The following NKAIN3 variants were observed in gnomAD, a reference collection of about 807,000 sequenced individuals.
The protein encoded by NKAIN3 is sodium/potassium-transporting ATPase subunit beta-1-interacting protein 3.
NKAIN3 carries 25 observed loss-of-function variants against 30.2 expected under a neutral mutation model. The ratio of observed to expected loss-of-function variants is 0.83; its 90% CI spans 0.60 to 1.16. The LOEUF is 1.16. NKAIN3 is among the 50% of genes most tolerant of loss of function. The pLI is 0.00. For synonymous variants in NKAIN3, 91 were observed against 89.6 expected (o/e 1.02, Z -0.09); for missense variants, 225 against 254.1 (o/e 0.89, Z 0.78).
At chr8:62,854,678 G>C (rs747306574) in intron 4 of NKAIN3, among the ~76,000 whole-genome samples, 1 of 152,084 alleles carries the variant, frequency 6.6e-6, no homozygotes, top group African/African-American at 2.4e-5. Flanking sequence ...TTTAATTGGG[G>C]CATGTAGCTC....
In NKAIN3 at chr8:62,990,843, T is replaced by C. The variant is rs540364516; in HGVS notation, c.533-8388T>C. On this transcript the variant is annotated intron_variant, in intron 5 of 5. Coordinates refer to the NKAIN3 transcript ENST00000519049. Reference sequence around the variant, plus strand: ...AAAAGTAAATTCATTAAAATAAATTTACATTATAGTGCCACAAAAAAATGA... The same window carrying C: ...AAAAGTAAATTCATTAAAATAAATTCACATTATAGTGCCACAAAAAAATGA... 3.2e-4 allele frequency: 49 copies of C among 152,300 alleles called. 1 individual carries two copies. The highest frequency in any genetic ancestry group is 1.2e-3 in the African/African-American group (48 of 41,566). The allele number at this position is 152,300 out of a possible 1,614,324, so 9.4% of individuals were successfully genotyped here. A position where few individuals can be genotyped will look rare whatever the true frequency, so the allele number is the denominator to read the frequency against.
intron 1 of NKAIN3, among the ~76,000 whole-genome samples, chr8:62,456,317 C>T (rs762654900): frequency 6.6e-6 from 1 of 151,924 alleles, no homozygotes; most frequent in Non-Finnish European, 1.5e-5. Flanking sequence ...GTCAGGAGAT[C>T]GAGACCATCT....
intron 1 of NKAIN3, among the ~76,000 whole-genome samples, chr8:62,326,343 G>A (rs532248823): frequency 7.1e-4 from 108 of 151,778 alleles, no homozygotes; most frequent in African/African-American, 2.5e-3. Context: ...TTATAATTTT[G>A]TTACATTCGT....
chr8:62,847,795 G>A (rs201980942), intron 4 of NKAIN3, among the ~76,000 whole-genome samples: 3 of 7,512 alleles, frequency 4.0e-4, no homozygotes, highest in Non-Finnish European at 1.3e-3. Flanking sequence ...TTTTCTTCTA[G>A]GTTTTTATAG....
intron 1 of NKAIN3, among the ~76,000 whole-genome samples, chr8:62,508,675 C>T (rs1807721754): frequency 6.6e-6 from 1 of 152,080 alleles, no homozygotes; most frequent in South Asian, 2.1e-4. Context: ...ATGATTAGTC[C>T]CTCACTGTCT....
At chr8:62,701,326 A>G (rs1814325297) in intron 3 of NKAIN3, among the ~76,000 whole-genome samples, 1 of 152,214 alleles carries the variant, frequency 6.6e-6, no homozygotes, top group South Asian at 2.1e-4. Context: ...TCAAAAATGC[A>G]GAGCCTGTGT....
At chr8:62,952,637 T>C (rs1380565559) in intron 5 of NKAIN3, among the ~76,000 whole-genome samples, 1 of 152,150 alleles carries the variant, frequency 6.6e-6, no homozygotes, top group Non-Finnish European at 1.5e-5. Context: ...TTGCGTTACA[T>C]TCAAGATCAA....
intron 4 of NKAIN3, among the ~76,000 whole-genome samples, chr8:62,801,750 T>C (rs905616926): frequency 2.6e-5 from 4 of 152,066 alleles, no homozygotes; most frequent in Non-Finnish European, 5.9e-5. Context: ...TCACCAGCAA[T>C]GGAACAAAGC....
chr8:62,529,284 G>A (rs572957062), intron 1 of NKAIN3, among the ~76,000 whole-genome samples: 1 of 152,306 alleles, frequency 6.6e-6, no homozygotes, highest in South Asian at 2.1e-4. Flanking sequence ...CACTGAGGCT[G>A]TCTGTAGTTT....
chr8:62,902,981 T>C (rs1232083470), intron 4 of NKAIN3, among the ~76,000 whole-genome samples: 1 of 152,340 alleles, frequency 6.6e-6, no homozygotes, highest in South Asian at 2.1e-4. Context: ...GCTGAGCTGG[T>C]GTGTGCAGAG....
At chr8:62,386,243 A>T (rs1170368979) in intron 1 of NKAIN3, among the ~76,000 whole-genome samples, 3 of 152,160 alleles carry the variant, frequency 2.0e-5, no homozygotes, top group Admixed American at 2.0e-4. Context: ...ATGGCTTATT[A>T]CTCTCTTCAA....
intron 1 of NKAIN3, among the ~76,000 whole-genome samples, chr8:62,281,245 T>A (rs1370143305): frequency 6.6e-6 from 1 of 152,134 alleles, no homozygotes; most frequent in East Asian, 1.9e-4. Context: ...TTTTATTGCA[T>A]CTATTTGATT....
chr8:62,609,573 C>G (rs866026226), intron 3 of NKAIN3, among the ~76,000 whole-genome samples: 1 of 151,924 alleles, frequency 6.6e-6, no homozygotes, highest in Non-Finnish European at 1.5e-5. Context: ...TCTCAAAGAG[C>G]TTTTATTCTG....
intron 1 of NKAIN3, among the ~76,000 whole-genome samples, chr8:62,542,310 C>T (rs1808869859): frequency 6.6e-6 from 1 of 152,048 alleles, no homozygotes; most frequent in East Asian, 1.9e-4. Flanking sequence ...CCATCTTCTG[C>T]CAGAATTAAG....
At chr8:62,409,365 G>T (rs1319950831) in intron 1 of NKAIN3, among the ~76,000 whole-genome samples, 1 of 152,066 alleles carries the variant, frequency 6.6e-6, no homozygotes, top group African/African-American at 2.4e-5. Context: ...TGTATTTTTA[G>T]TAGAGATGGG....
chr8:62,433,754 T>C lies in NKAIN3; in HGVS notation c.55-145785T>C, dbSNP rs989792023. 2.6e-5 allele frequency among the ~76,000 whole-genome samples: 4 copies of C among 152,182 alleles called. No homozygotes were observed. In the East Asian group the frequency reaches 7.7e-4, roughly 29 times the overall value. On this transcript the variant is annotated intron_variant, in intron 1 of 6. Transcript: ENST00000623646. ...AATTTTATTTGACATTAAATTTAGT[T>C]ATTTAAATTAATTGGATTAAGAGGA...
intron 1 of NKAIN3, among the ~76,000 whole-genome samples, chr8:62,281,655 G>C (rs757355629): frequency 2.0e-5 from 3 of 152,128 alleles, no homozygotes; most frequent in Non-Finnish European, 4.4e-5. Flanking sequence ...TCAGGAGCAG[G>C]TTGTTCAGTT....
chr8:62,817,251 CAGTTT>C (rs1283189777), intron 4 of NKAIN3, among the ~76,000 whole-genome samples: 2 of 152,126 alleles, frequency 1.3e-5, no homozygotes, highest in Non-Finnish European at 2.9e-5. Flanking sequence ...TAAATGTGCA[CAGTTT>C]AAAGTTCTTG....
At chr8:62,991,429 T>C (rs1392963091) in intron 5 of NKAIN3, among the ~76,000 whole-genome samples, 1 of 152,214 alleles carries the variant, frequency 6.6e-6, no homozygotes, top group Admixed American at 6.5e-5. Flanking sequence ...GAGCAGAAAT[T>C]AAATTTAATG....
Sources: allele counts gnomAD v4.1 joint callset (sites outside exome capture counted in the v4.1 genomes callset), GRCh38; gene constraint gnomAD v4.1.1; transcripts MANE v1.5; gene names NCBI Gene and HGNC (gene_info 2026-07-23, HGNC 2026-07-21).